CAMTA1: variants seen among roughly 807,000 people sequenced by gnomAD.
CAMTA1 encodes calmodulin-binding transcription activator 1.
In CAMTA1, 27 loss-of-function variants were observed where a neutral mutation model predicts 170.9. The ratio of observed to expected loss-of-function variants is 0.16; its 90% CI spans 0.12 to 0.22. The LOEUF (loss-of-function observed/expected upper bound fraction) is 0.22. Among genes scored for constraint, CAMTA1 ranks in the 10% least tolerant of loss-of-function variants. The pLI is 1.00. For missense variants in CAMTA1, 1,619 were observed against 2,217.2 expected (o/e 0.73, Z 5.42); for synonymous variants, 833 against 891.5 (o/e 0.93, Z 1.17).
chr1:7,297,122 G>C (rs1674067483), intron 5 of CAMTA1, among the ~76,000 whole-genome samples: 1 of 152,208 alleles, frequency 6.6e-6, no homozygotes. Context: ...CCCAAAAAGA[G>C]TAAAAAGCTC....
intron 1 of CAMTA1, among the ~76,000 whole-genome samples, chr1:6,786,302 A>G (rs1306423360): frequency 6.6e-6 from 1 of 151,926 alleles, no homozygotes; most frequent in Non-Finnish European, 1.5e-5. Flanking sequence ...CGCCCCTCGC[A>G]GTCGTTCACA....
chr1:7,292,756 C>T (rs997347615), intron 5 of CAMTA1, among the ~76,000 whole-genome samples: 4 of 152,188 alleles, frequency 2.6e-5, no homozygotes, highest in African/African-American at 7.2e-5. Flanking sequence ...CCTCTGCACC[C>T]ACGGACCACT....
chr1:6,968,951 G>A (rs1572108963), intron 3 of CAMTA1, among the ~76,000 whole-genome samples: 1 of 152,150 alleles, frequency 6.6e-6, no homozygotes, highest in South Asian at 2.1e-4. Flanking sequence ...GGCACGGGGC[G>A]AGGGGGTGTC....
rs72640029 is a variant in CAMTA1 at position 7,050,928 on chromosome 1, C to G, written c.235-40376C>G. Among the ~76,000 whole-genome samples the G allele has an allele frequency of 0.064, 9,712 of 152,222 alleles. 373 individuals carry two copies. Among genetic ancestry groups the G allele is most frequent in the East Asian group, 0.17 (888 of 5,166 alleles). On this transcript the variant is annotated intron_variant, in intron 3 of 22. Transcript: ENST00000303635. The surrounding 1 kb of genome is among the most constrained non-coding windows in gnomAD (Gnocchi z 4.8). ...ACTGCAGGGAGCAGCGCTGGAAGCC[C>G]GGCCCTCTGTACTGTGTGTTCCCAG...
intron 3 of CAMTA1, chr1:6,888,278 A>T: frequency 2.0e-6 from 2 of 984,134 alleles, no homozygotes; most frequent in South Asian, 9.4e-5. Flanking sequence ...TTTTCCAATG[A>T]TAAAGCAGTG....
At chr1:7,371,071 G>A (rs1353376364) in intron 5 of CAMTA1, among the ~76,000 whole-genome samples, 12 of 150,168 alleles carry the variant, frequency 8.0e-5, no homozygotes, top group Non-Finnish European at 1.5e-4. Context: ...ACTACCACGC[G>A]CAGGTAATTT....
At chr1:7,469,121 C>T (rs1032408864) in intron 6 of CAMTA1, among the ~76,000 whole-genome samples, 5 of 152,304 alleles carry the variant, frequency 3.3e-5, no homozygotes, top group East Asian at 1.9e-4. Flanking sequence ...AAATGATGCC[C>T]GAGACCATCC....
intron 5 of CAMTA1, among the ~76,000 whole-genome samples, chr1:7,262,862 T>C (rs565087361): frequency 2.8e-4 from 43 of 152,054 alleles, no homozygotes; most frequent in Non-Finnish European, 5.7e-4. Flanking sequence ...TGATGAAGGG[T>C]GGTTGCTTCC....
intron 4 of CAMTA1, among the ~76,000 whole-genome samples, chr1:7,161,806 A>G (rs1222017709): frequency 6.6e-6 from 1 of 152,204 alleles, no homozygotes; most frequent in Non-Finnish European, 1.5e-5. Context: ...GGAGTGGTGA[A>G]GGACGGGCAA....
At chr1:7,362,432 A>G (rs2085612546) in intron 5 of CAMTA1, among the ~76,000 whole-genome samples, 1 of 151,772 alleles carries the variant, frequency 6.6e-6, no homozygotes, top group African/African-American at 2.4e-5. Context: ...ACTTGGAAAG[A>G]GTTAGTAGAC....
intron 3 of CAMTA1, among the ~76,000 whole-genome samples, chr1:6,873,659 T>C (rs1415124233): frequency 2.0e-5 from 3 of 152,250 alleles, no homozygotes; most frequent in Admixed American, 2.0e-4. Flanking sequence ...AATTCTCTTA[T>C]TTTACGATTA....
At chr1:7,218,336 GT>G (rs963599632) in intron 4 of CAMTA1, among the ~76,000 whole-genome samples, 25 of 152,098 alleles carry the variant, frequency 1.6e-4, no homozygotes, top group African/African-American at 6.0e-4. Context: ...TCTCATTTTA[GT>G]TTTTTTTCTT....
At chr1:7,315,974 G>A (rs976869548) in intron 5 of CAMTA1, among the ~76,000 whole-genome samples, 2 of 152,198 alleles carry the variant, frequency 1.3e-5, no homozygotes, top group African/African-American at 4.8e-5. Flanking sequence ...GAGGCCTCAG[G>A]AAACTTAACA....
At position 6,887,312 on chromosome 1, in the gene CAMTA1, T is replaced by C. The variant is rs948848643; in HGVS notation, c.234+62102T>C. On this transcript the variant is annotated intron_variant, in intron 3 of 22. Transcript: ENST00000303635. This position sits in a 1 kb window ranked among gnomAD's most constrained non-coding sequence, Gnocchi z 4.1. ...AACCTTTAATTTTTTATTTGATCTTTTAAAAAAGTTTTGTGGCCTCTTAAA... is the reference window on the plus strand; with the variant it reads ...AACCTTTAATTTTTTATTTGATCTTCTAAAAAAGTTTTGTGGCCTCTTAAA... Among the ~76,000 whole-genome samples, 1 of 152,208 alleles carries C rather than the reference T, an allele frequency of 6.6e-6. No homozygotes were observed. The highest frequency in any genetic ancestry group is 1.9e-4 in the East Asian group (1 of 5,198).
rs149314642 is a variant in CAMTA1, at chr1:7,664,953, G to C, written c.2406G>C (p.Ala802=). 6.2e-7 allele frequency: 1 copy of C among 1,612,944 alleles called. No individual in the cohort carries two copies. Among genetic ancestry groups the C allele is most frequent in the Non-Finnish European group, 8.5e-7 (1 of 1,179,960 alleles). The change falls in exon 9 of 23, where the codon GCG becomes GCC. Residue 802 remains alanine (A), a synonymous_variant. Transcript: ENST00000303635. ...AGCTGGTGTCGGGGGACAGCACGGCGCTCTCACAGTCAGAGGACGGGGCGC... is the reference window on the plus strand; with the variant it reads ...AGCTGGTGTCGGGGGACAGCACGGCCCTCTCACAGTCAGAGGACGGGGCGC... ...GHQLVSGDST[A]LSQSEDGARA...
chr1:7,221,587 C>T (rs1309522320), intron 4 of CAMTA1, among the ~76,000 whole-genome samples: 1 of 152,036 alleles, frequency 6.6e-6, no homozygotes, highest in African/African-American at 2.4e-5. Context: ...GTGAATGCGT[C>T]GTGAAACACC....
At chr1:7,350,340 A>G (rs1459996543) in intron 5 of CAMTA1, among the ~76,000 whole-genome samples, 1 of 152,130 alleles carries the variant, frequency 6.6e-6, no homozygotes, top group South Asian at 2.1e-4. Context: ...TCCTGCCCCT[A>G]TACCCGCCAG....
chr1:7,389,446 G>C (rs922276954), intron 5 of CAMTA1: 18 of 152,470 alleles, frequency 1.2e-4, no homozygotes, highest in African/African-American at 4.1e-4. Flanking sequence ...CGGCCTGGGA[G>C]ATGGCAAAAA....
At position 7,664,044 on chromosome 1, in the gene CAMTA1, G is replaced by C. The variant is rs1344287604; in HGVS notation, c.1497G>C (p.Gly499=). Residue 499 remains glycine, a synonymous_variant, in exon 9 of 23, where the codon GGG becomes GGC. Coordinates refer to ENST00000303635, the MANE Select transcript of CAMTA1 (RefSeq NM_015215.4). The part of the protein sequence containing the change: ...LNNPKQGQTY[G]GGGLKAEMVS... ...ACCCAAAGCAGGGCCAGACGTACGG[G>C]GGTGGAGGCCTGAAAGCCGAGATGG... is the stretch of plus-strand genomic sequence containing the variant. 3.1e-6 allele frequency: 5 copies of C among 1,613,780 alleles called. No individual in the cohort carries two copies. Among genetic ancestry groups the C allele is most frequent in the Non-Finnish European group, 4.2e-6 (5 of 1,180,052 alleles).
Sources: gnomAD v4.1 joint callset for allele counts (sites outside exome capture counted in the v4.1 genomes callset) on GRCh38, gnomAD v4.1.1 for gene constraint, Gnocchi (gnomAD v3.1) non-coding constraint, MANE v1.5 for transcripts, NCBI Gene and HGNC (gene_info 2026-07-23, HGNC 2026-07-21) for gene names.